The following TNFSF4 variants were observed in gnomAD, a reference collection of about 807,000 sequenced individuals.
TNFSF4 encodes the protein tumor necrosis factor ligand superfamily member 4.
TNFSF4 carries 4 observed loss-of-function variants against 7.3 expected under a neutral mutation model. The observed-to-expected ratio is 0.55, with a 90% CI of 0.27 to 1.25. The LOEUF (loss-of-function observed/expected upper bound fraction) is 1.25, where lower values mean the gene tolerates loss of function less well. Among genes scored for constraint, TNFSF4 ranks in the 50% most tolerant of loss-of-function variants. The pLI is 0.12. For missense variants in TNFSF4, 181 were observed against 208.8 expected (o/e 0.87, Z 0.82); for synonymous variants, 76 against 83.7 (o/e 0.91, Z 0.50).
At chr1:173,197,709 A>G (rs1033424303) in intron 1 of TNFSF4, among the ~76,000 whole-genome samples, 8 of 152,220 alleles carry the variant, frequency 5.3e-5, no homozygotes, top group Non-Finnish European at 1.0e-4. Flanking sequence ...GGCATCAGGA[A>G]AAATAGCTAA....
chr1:173,314,387 C>T, the TNFSF4 span, among the ~76,000 whole-genome samples: 69 of 152,188 alleles, frequency 4.5e-4, no homozygotes, highest in African/African-American at 1.5e-3. Flanking sequence ...TCTCAGCCTA[C>T]GAAACCATGA....
the TNFSF4 span, among the ~76,000 whole-genome samples, chr1:173,212,578 CAAAAAAA>C: frequency 1.4e-5 from 1 of 73,462 alleles, no homozygotes; most frequent in Non-Finnish European, 3.0e-5. Context: ...TTAGTGGGTA[CAAAAAAA>C]AAAAAAAGAA....
At chr1:173,414,430 C>T in the TNFSF4 span, among the ~76,000 whole-genome samples, 1 of 152,276 alleles carries the variant, frequency 6.6e-6, no homozygotes, top group South Asian at 2.1e-4. Flanking sequence ...TACAGTCATA[C>T]TGCAGGTTAA....
the TNFSF4 span, among the ~76,000 whole-genome samples, chr1:173,297,430 G>T: frequency 6.6e-6 from 1 of 151,968 alleles, no homozygotes; most frequent in African/African-American, 2.4e-5. Context: ...TGTTGGCAAA[G>T]CCAGGGTTGA....
the TNFSF4 span, among the ~76,000 whole-genome samples, chr1:173,439,900 T>C: frequency 1.3e-5 from 2 of 152,300 alleles, no homozygotes; most frequent in Admixed American, 6.5e-5. Context: ...TACATGCTGA[T>C]CAAGTTTTAA....
the TNFSF4 span, among the ~76,000 whole-genome samples, chr1:173,352,347 G>C: frequency 6.6e-6 from 1 of 152,322 alleles, no homozygotes; most frequent in East Asian, 1.9e-4. Context: ...CAAGTGGATC[G>C]GGGGAACCAG....
At chr1:173,228,749 C>G in the TNFSF4 span, among the ~76,000 whole-genome samples, 1 of 152,074 alleles carries the variant, frequency 6.6e-6, no homozygotes, top group South Asian at 2.1e-4. Flanking sequence ...CCTGATGGAG[C>G]TAAAAACCAT....
chr1:173,299,392 G>T, the TNFSF4 span, among the ~76,000 whole-genome samples: 4 of 152,018 alleles, frequency 2.6e-5, no homozygotes, highest in East Asian at 5.8e-4. Context: ...GCCCCAAGGT[G>T]TTAGGATTCT....
the TNFSF4 span, among the ~76,000 whole-genome samples, chr1:173,429,834 A>C: frequency 3.9e-5 from 6 of 152,244 alleles, no homozygotes; most frequent in Admixed American, 2.6e-4. Flanking sequence ...AATTGCCAAG[A>C]CCCCTTAAAG....
the TNFSF4 span, among the ~76,000 whole-genome samples, chr1:173,381,337 C>T: frequency 6.6e-6 from 1 of 152,140 alleles, no homozygotes; most frequent in African/African-American, 2.4e-5. Context: ...TGAGATGCCA[C>T]CCGACATTTA....
the TNFSF4 span, among the ~76,000 whole-genome samples, chr1:173,422,803 G>A: frequency 6.6e-6 from 1 of 152,122 alleles, no homozygotes; most frequent in Non-Finnish European, 1.5e-5. Flanking sequence ...CCCATATGTG[G>A]GCCCCTGCAC....
chr1:173,341,672 C>T, the TNFSF4 span, among the ~76,000 whole-genome samples: 1 of 152,176 alleles, frequency 6.6e-6, no homozygotes, highest in Non-Finnish European at 1.5e-5. Context: ...CACAGAACTG[C>T]TATGAGATAT....
chr1:173,194,939 T>C (rs1175057193), intron 1 of TNFSF4, among the ~76,000 whole-genome samples: 1 of 150,750 alleles, frequency 6.6e-6, no homozygotes, highest in African/African-American at 2.4e-5. Flanking sequence ...ACTTACAATA[T>C]GCTATGCACT....
At chr1:173,227,515 T>C in the TNFSF4 span, among the ~76,000 whole-genome samples, 4 of 152,272 alleles carry the variant, frequency 2.6e-5, no homozygotes, top group African/African-American at 9.6e-5. Context: ...AGACAGGTGA[T>C]TTCTGCATTT....
intron 1 of TNFSF4, among the ~76,000 whole-genome samples, chr1:173,191,967 A>G (rs1249754704): frequency 1.3e-5 from 2 of 152,220 alleles, no homozygotes; most frequent in African/African-American, 2.4e-5. Context: ...ACATGAGATC[A>G]GGAGTTTGAG....
At chr1:173,349,770 G>A in the TNFSF4 span, among the ~76,000 whole-genome samples, 3 of 152,060 alleles carry the variant, frequency 2.0e-5, no homozygotes, top group Non-Finnish European at 4.4e-5. Flanking sequence ...AATGACCAAT[G>A]GCCAAAAACT....
At chr1:173,444,946 G>A in the TNFSF4 span, among the ~76,000 whole-genome samples, 23 of 152,278 alleles carry the variant, frequency 1.5e-4, no homozygotes, top group East Asian at 2.3e-3. Flanking sequence ...GGCTTTACCC[G>A]CTCAGCCAGC....
At chr1:173,264,066 A>G in the TNFSF4 span, among the ~76,000 whole-genome samples, 1 of 152,204 alleles carries the variant, frequency 6.6e-6, no homozygotes, top group African/African-American at 2.4e-5. Context: ...AATCTGTATA[A>G]CAAACCCCAA....
the TNFSF4 span, among the ~76,000 whole-genome samples, chr1:173,315,434 TA>T: frequency 6.6e-6 from 1 of 152,040 alleles, no homozygotes; most frequent in Non-Finnish European, 1.5e-5. Context: ...GAATATCAGA[TA>T]AAAAAATCAC....
Sources: gnomAD v4.1 joint callset for allele counts (sites outside exome capture counted in the v4.1 genomes callset) on GRCh38, gnomAD v4.1.1 for gene constraint, MANE v1.5 for transcripts, NCBI Gene and HGNC (gene_info 2026-07-23, HGNC 2026-07-21) for gene names.